Variants in EVL observed in about 807,000 individuals in gnomAD.
EVL encodes ena/VASP-like protein.
A neutral mutation model predicts 59.6 loss-of-function variants in EVL; 21 were observed. The observed-to-expected ratio is 0.35, with a 90% confidence interval of 0.25 to 0.51. The LOEUF (loss-of-function observed/expected upper bound fraction) is 0.51. EVL is among the 20% of genes least tolerant of loss of function. The probability of loss-of-function intolerance (pLI) is 0.97; values close to 1 mark genes in which losing one functional copy is unlikely to be tolerated. For missense variants in EVL, 462 were observed against 546.6 expected (o/e 0.85, Z 1.54); for synonymous variants, 198 against 203.5 (o/e 0.97, Z 0.23).
chr14:100,095,989 A>G (rs963535675), intron 2 of EVL, among the ~76,000 whole-genome samples: 4 of 152,174 alleles, frequency 2.6e-5, no homozygotes, highest in Non-Finnish European at 5.9e-5. Context: ...TGGCCTCCCA[A>G]AGTCCTGGGA....
chr14:100,048,177 A>G (rs1393399981), intron 1 of EVL, among the ~76,000 whole-genome samples: 2 of 152,204 alleles, frequency 1.3e-5, no homozygotes, highest in Non-Finnish European at 2.9e-5. Context: ...TCAGAATTAA[A>G]AACTATTATT....
chr14:100,061,977 A>C (rs1292973235), upstream of EVL, among the ~76,000 whole-genome samples: 1 of 151,972 alleles, frequency 6.6e-6, no homozygotes, highest in Non-Finnish European at 1.5e-5. Context: ...TTCCATGTGC[A>C]AGTGGACCTG....
intron 1 of EVL, among the ~76,000 whole-genome samples, chr14:100,044,228 CAT>C (rs1183854354): frequency 2.6e-5 from 4 of 152,304 alleles, no homozygotes; most frequent in South Asian, 2.1e-4. Flanking sequence ...GGATTCACAA[CAT>C]GTGTGAACCT....
At chr14:100,116,681 G>A (rs537132138) in intron 3 of EVL, among the ~76,000 whole-genome samples, 5 of 152,338 alleles carry the variant, frequency 3.3e-5, no homozygotes, top group African/African-American at 9.6e-5. Flanking sequence ...AGGATGGATC[G>A]CAGAGCAGGG....
At chr14:100,129,407 G>A (rs961927893) in intron 6 of EVL, among the ~76,000 whole-genome samples, 156 bp from the exon 7 acceptor site, 2 of 152,212 alleles carry the variant, frequency 1.3e-5, no homozygotes, top group African/African-American at 2.4e-5. Flanking sequence ...CCCCTGTGGG[G>A]TTGGAGAATA....
chr14:100,004,904 A>C (rs2060968639), intron 1 of EVL, among the ~76,000 whole-genome samples: 1 of 151,056 alleles, frequency 6.6e-6, no homozygotes, highest in African/African-American at 2.4e-5. Context: ...TTTTATTGGA[A>C]TATACCTAAA....
intron 1 of EVL, among the ~76,000 whole-genome samples, chr14:99,984,635 C>T (rs568265196): frequency 1.0e-3 from 153 of 152,102 alleles, no homozygotes; most frequent in African/African-American, 3.4e-3. Context: ...TCATTTGAGA[C>T]AGAGTTTTGC....
At chr14:100,142,529 C>T (rs1320212181) in intron 13 of EVL, among the ~76,000 whole-genome samples, 1 of 152,234 alleles carries the variant, frequency 6.6e-6, no homozygotes, top group African/African-American at 2.4e-5. Context: ...AAGGCTGACA[C>T]CTGGGTGTGT....
intron 4 of EVL, among the ~76,000 whole-genome samples, chr14:100,124,788 T>C (rs1471941408): frequency 6.6e-6 from 1 of 152,206 alleles, no homozygotes; most frequent in Non-Finnish European, 1.5e-5. Flanking sequence ...CCCGCAGTGC[T>C]GAATTCTGTA....
intron 9 of EVL, among the ~76,000 whole-genome samples, chr14:100,136,471 A>G (rs963695548): frequency 6.6e-6 from 1 of 152,168 alleles, no homozygotes; most frequent in African/African-American, 2.4e-5. Context: ...GATGGGAGGT[A>G]GTTAGGAGAG....
intron 1 of EVL, among the ~76,000 whole-genome samples, chr14:100,025,375 C>A (rs1227236699): frequency 6.6e-6 from 1 of 152,078 alleles, no homozygotes; most frequent in Admixed American, 6.5e-5. Context: ...TGTGCACTGA[C>A]AGTCTCTGCC....
chr14:100,048,245 T>C (rs2140243555), intron 1 of EVL, among the ~76,000 whole-genome samples: 1 of 152,270 alleles, frequency 6.6e-6, no homozygotes, highest in African/African-American at 2.4e-5. Context: ...GAGAAAATAT[T>C]TACAAATACA....
At chr14:100,143,257 C>A (rs1418982557) in intron 13 of EVL, among the ~76,000 whole-genome samples, 1 of 152,080 alleles carries the variant, frequency 6.6e-6, no homozygotes, top group Admixed American at 6.5e-5. Context: ...TTCCTGCTGA[C>A]CCCTGCAGGA....
intron 2 of EVL, among the ~76,000 whole-genome samples, chr14:100,087,795 G>GCTCTGCA (rs2062479280): frequency 1.4e-5 from 2 of 143,644 alleles, no homozygotes; most frequent in Non-Finnish European, 1.5e-5. Context: ...TCTGCTCTGC[G>GCTCTGCA]TGGGTCATTC....
chr14:99,976,658 C>CTTACA (rs1415919828), intron 1 of EVL, among the ~76,000 whole-genome samples: 6 of 152,098 alleles, frequency 3.9e-5, no homozygotes, highest in Admixed American at 3.9e-4. Context: ...TTATAAGGCA[C>CTTACA]ATGGGAGCAC....
chr14:100,016,089 A>AC, intron 1 of EVL, among the ~76,000 whole-genome samples: 1 of 148,838 alleles, frequency 6.7e-6, no homozygotes, highest in African/African-American at 2.6e-5. Flanking sequence ...AAAAAAAAAA[A>AC]AAAAAAATTA....
At chr14:99,988,209 C>T (rs1193311830) in intron 1 of EVL, among the ~76,000 whole-genome samples, 1 of 152,022 alleles carries the variant, frequency 6.6e-6, no homozygotes, top group East Asian at 1.9e-4. Flanking sequence ...AGCCGCCGTG[C>T]CTGGCCAAGA....
intron 1 of EVL, among the ~76,000 whole-genome samples, chr14:99,985,075 G>A (rs373220455): frequency 2.6e-5 from 4 of 151,896 alleles, no homozygotes; most frequent in African/African-American, 7.3e-5. Context: ...GGTGCTGATG[G>A]TTTCTCAGAC....
At chr14:100,038,456 T>C (rs1158980406) in intron 1 of EVL, among the ~76,000 whole-genome samples, 1 of 152,188 alleles carries the variant, frequency 6.6e-6, no homozygotes, top group Non-Finnish European at 1.5e-5. Flanking sequence ...CACTGCCTCC[T>C]CTCGGTTTTG....
Sources: gnomAD v4.1 joint callset for allele counts (sites outside exome capture counted in the v4.1 genomes callset) on GRCh38, gnomAD v4.1.1 for gene constraint, MANE v1.5 for transcripts, NCBI Gene and HGNC (gene_info 2026-07-23, HGNC 2026-07-21) for gene names.